Variants in ARB2A observed in about 807,000 individuals in gnomAD.
The protein encoded by ARB2A is cotranscriptional regulator ARB2A.
At chr5:93,918,239 G>A in the ARB2A span, among the ~76,000 whole-genome samples, 1 of 152,008 alleles carries the variant, frequency 6.6e-6, no homozygotes, top group East Asian at 1.9e-4. Context: ...CAAGTGTCCT[G>A]CTCTTGTCCA....
the ARB2A span, among the ~76,000 whole-genome samples, chr5:94,043,359 C>T: frequency 1.3e-5 from 2 of 152,192 alleles, no homozygotes; most frequent in African/African-American, 4.8e-5. Context: ...GTAAAGTATA[C>T]TCCTGTGAAC....
chr5:93,924,742 G>A, the ARB2A span, among the ~76,000 whole-genome samples: 1 of 152,172 alleles, frequency 6.6e-6, no homozygotes, highest in Non-Finnish European at 1.5e-5. Context: ...TAACTACCCG[G>A]AGGATTTAGC....
the ARB2A span, among the ~76,000 whole-genome samples, chr5:93,964,898 A>C: frequency 6.6e-6 from 1 of 151,998 alleles, no homozygotes; most frequent in African/African-American, 2.4e-5. Context: ...AGTGACTCTG[A>C]ATCTCAACAC....
At chr5:93,935,354 G>A in the ARB2A span, among the ~76,000 whole-genome samples, 2 of 152,190 alleles carry the variant, frequency 1.3e-5, no homozygotes, top group Non-Finnish European at 2.9e-5. Context: ...CTAAGCATAT[G>A]AAGGGAATTT....
chr5:93,845,369 C>G, the ARB2A span, among the ~76,000 whole-genome samples: 1 of 152,144 alleles, frequency 6.6e-6, no homozygotes, highest in East Asian at 1.9e-4. Flanking sequence ...TTCTCCCTAC[C>G]ACAATAACCT....
the ARB2A span, among the ~76,000 whole-genome samples, chr5:93,627,608 C>A: frequency 6.6e-6 from 1 of 151,992 alleles, no homozygotes; most frequent in Non-Finnish European, 1.5e-5. Context: ...CCACGCCCAG[C>A]TAATTTTTGT....
At chr5:93,952,064 A>G in the ARB2A span, among the ~76,000 whole-genome samples, 1 of 152,192 alleles carries the variant, frequency 6.6e-6, no homozygotes, top group Non-Finnish European at 1.5e-5. Context: ...AGCCCTGGAT[A>G]TAGGTAAGAC....
At chr5:93,753,883 A>C in the ARB2A span, among the ~76,000 whole-genome samples, 2 of 152,314 alleles carry the variant, frequency 1.3e-5, no homozygotes, top group Admixed American at 1.3e-4. Context: ...AATAGCATGC[A>C]GAAAAATGAC....
the ARB2A span, among the ~76,000 whole-genome samples, chr5:93,700,668 T>A: frequency 6.6e-6 from 1 of 152,154 alleles, no homozygotes; most frequent in Non-Finnish European, 1.5e-5. Context: ...CTTATAGAGA[T>A]GGCAACAAAA....
chr5:93,986,555 G>A, the ARB2A span, among the ~76,000 whole-genome samples: 3 of 152,244 alleles, frequency 2.0e-5, no homozygotes, highest in East Asian at 3.9e-4. Context: ...CCATGATGAC[G>A]ATGGCGGTTC....
At chr5:93,970,488 A>G in the ARB2A span, among the ~76,000 whole-genome samples, 1 of 152,200 alleles carries the variant, frequency 6.6e-6, no homozygotes, top group Non-Finnish European at 1.5e-5. Flanking sequence ...TAAAAGAAAA[A>G]TAACTTTTAA....
At chr5:94,035,876 G>A in the ARB2A span, among the ~76,000 whole-genome samples, 136 of 152,240 alleles carry the variant, frequency 8.9e-4, no homozygotes, top group Middle Eastern at 6.8e-3. Flanking sequence ...GGGGTAAGGA[G>A]AGGGACAGCA....
At chr5:93,737,648 C>A in the ARB2A span, 1 of 207,338 alleles carries the variant, frequency 4.8e-6, no homozygotes, top group Non-Finnish European at 9.9e-6. Context: ...ACATATAGAC[C>A]AACAGAAGAG....
At chr5:93,914,649 T>A in the ARB2A span, among the ~76,000 whole-genome samples, 126 of 151,992 alleles carry the variant, frequency 8.3e-4, no homozygotes, top group Middle Eastern at 3.4e-3. Context: ...CATAACTCCT[T>A]TTATCTGTAA....
chr5:94,013,819 A>G, the ARB2A span, among the ~76,000 whole-genome samples: 1 of 152,196 alleles, frequency 6.6e-6, no homozygotes, highest in African/African-American at 2.4e-5. Context: ...CAGAACTCAA[A>G]CATGAGAATG....
the ARB2A span, among the ~76,000 whole-genome samples, chr5:93,932,147 A>G: frequency 6.6e-6 from 1 of 152,226 alleles, no homozygotes; most frequent in Admixed American, 6.5e-5. Flanking sequence ...CGCTTCTACT[A>G]TGTACATACT....
chr5:93,924,059 A>T, the ARB2A span, among the ~76,000 whole-genome samples: 1 of 152,164 alleles, frequency 6.6e-6, no homozygotes, highest in Non-Finnish European at 1.5e-5. Flanking sequence ...TAAGCCTTCA[A>T]ATTATATTTG....
At chr5:93,642,960 C>T in the ARB2A span, among the ~76,000 whole-genome samples, 1 of 152,030 alleles carries the variant, frequency 6.6e-6, no homozygotes, top group South Asian at 2.1e-4. Context: ...CACTAAAAAG[C>T]ATATCAGGAG....
chr5:93,901,823 T>G, the ARB2A span, among the ~76,000 whole-genome samples: 5 of 152,102 alleles, frequency 3.3e-5, no homozygotes, highest in African/African-American at 1.2e-4. Context: ...TAGGTATACA[T>G]GCCTAATAGT....
Sources: allele counts gnomAD v4.1 joint callset (sites outside exome capture counted in the v4.1 genomes callset), GRCh38; gene constraint gnomAD v4.1.1; transcripts MANE v1.5; gene names NCBI Gene and HGNC (gene_info 2026-07-23, HGNC 2026-07-21).